The following CAP1 variants were observed in gnomAD, a reference collection of about 807,000 sequenced individuals.
The protein encoded by CAP1 is adenylyl cyclase-associated protein 1.
CAP1 carries 11 observed loss-of-function variants against 58.2 expected under a neutral mutation model. The ratio of observed to expected loss-of-function variants is 0.19; its 90% CI spans 0.12 to 0.31. The LOEUF is 0.31. Among genes scored for constraint, CAP1 ranks in the 10% least tolerant of loss-of-function variants. The pLI is 1.00. For missense variants in CAP1, 423 were observed against 587.5 expected, an observed-to-expected ratio of 0.72 and a Z score of 2.89; for synonymous variants, 183 against 213.8, an observed-to-expected ratio of 0.86 and a Z score of 1.26.
chr1:40,040,973 C>A (rs996413367), intron 1 of CAP1, 172 bp downstream of exon 1: 5 of 152,814 alleles, frequency 3.3e-5, no homozygotes, highest in African/African-American at 1.2e-4. Context: ...GAGGTGGGGC[C>A]GGGGTGAGCA....
At chr1:40,046,510 A>G (rs12072878) in intron 1 of CAP1, among the ~76,000 whole-genome samples, 2,235 of 152,252 alleles carry the variant, frequency 0.015, 56 homozygotes, top group African/African-American at 0.049. Context: ...CTAAAGTTGC[A>G]TATAGTTTAT....
Position 40,069,724 on chromosome 1 carries a change from C to T in CAP1, c.843C>T (p.His281=), listed in dbSNP as rs187715440. ...LKHVSDDMKT[H]KNPALKAQSG... is the part of the protein sequence containing the mutation. ...ATGTATCTGATGACATGAAGACTCA[C>T]AAGAACCCTGCCCTGAAGGCTCAGA... Residue 281 remains histidine, a synonymous_variant, in exon 9 of 13, where the codon CAC becomes CAT. Coordinates refer to ENST00000372805, the MANE Select transcript of CAP1 (RefSeq NM_006367.4). The T allele has an allele frequency of 1.4e-4, 220 of 1,613,810 alleles. 2 individuals carry two copies. In the African/African-American group the frequency reaches 2.6e-3, roughly 19 times the overall value.
intron 1 of CAP1, among the ~76,000 whole-genome samples, chr1:40,048,939 G>A (rs763889984): frequency 1.3e-5 from 2 of 152,264 alleles, no homozygotes; most frequent in South Asian, 2.1e-4. Flanking sequence ...TAAGGATGAT[G>A]ACTTAGAAAA....
chr1:40,059,303 T>G, intron 1 of CAP1, 34 bp from the exon 2 acceptor site: 2 of 1,275,944 alleles, frequency 1.6e-6, no homozygotes, highest in Non-Finnish European at 2.3e-6. Flanking sequence ...ATTTAATATT[T>G]AAATAACAAA....
At chr1:40,071,074 G>T in intron 12 of CAP1, 95 bp downstream of exon 12, 1 of 1,228,790 alleles carries the variant, frequency 8.1e-7, no homozygotes, top group South Asian at 1.5e-5. Flanking sequence ...ATTCTGCACT[G>T]AGCAGGTAAA....
At chr1:40,053,971 A>T (rs148757868) in intron 1 of CAP1, among the ~76,000 whole-genome samples, 1 of 152,202 alleles carries the variant, frequency 6.6e-6, no homozygotes, top group Non-Finnish European at 1.5e-5. Flanking sequence ...GAAGATCTCT[A>T]TATCAGTGTG....
At position 40,064,213 on chromosome 1, in the gene CAP1, G is replaced by T. The variant is rs761683753; in HGVS notation, c.295-14G>T. ...AAGATGTTAACCTGAATCTTTTCTT[G>T]TATCTTTTCCTAGAATAAGCTTTCC... On this transcript the variant is annotated splice_polypyrimidine_tract_variant and intron_variant, in intron 4 of 12. Coordinates refer to ENST00000372805, the MANE Select transcript of CAP1 (RefSeq NM_006367.4). The T allele has an allele frequency of 6.2e-7, 1 of 1,613,372 alleles. No individual in the cohort carries two copies. The highest frequency in any genetic ancestry group is 1.7e-5 in the Admixed American group (1 of 59,868).
intron 1 of CAP1, among the ~76,000 whole-genome samples, chr1:40,042,864 C>T (rs1416086383): frequency 6.6e-6 from 1 of 151,934 alleles, no homozygotes; most frequent in Non-Finnish European, 1.5e-5. Context: ...GAATTGGAGG[C>T]TGATTATGGG....
intron 4 of CAP1, among the ~76,000 whole-genome samples, chr1:40,062,200 C>G (rs1007642662): frequency 1.5e-5 from 2 of 130,276 alleles, no homozygotes; most frequent in African/African-American, 5.6e-5. Context: ...TGCTTCTCTC[C>G]TCATCCTTCA....
intron 8 of CAP1, among the ~76,000 whole-genome samples, chr1:40,068,836 ATTTTAT>A (rs1647267757): frequency 6.6e-6 from 1 of 151,462 alleles, no homozygotes; most frequent in Admixed American, 6.6e-5. Flanking sequence ...TTTTTATTTT[ATTTTAT>A]TTTTTTTGAG....
chr1:40,055,697 C>A (rs1323056884), intron 1 of CAP1, among the ~76,000 whole-genome samples: 1 of 152,116 alleles, frequency 6.6e-6, no homozygotes, highest in Non-Finnish European at 1.5e-5. Flanking sequence ...TTTGTAGAGA[C>A]AAGGTCTCCC....
chr1:40,050,052 G>C (rs1233235905), intron 1 of CAP1, among the ~76,000 whole-genome samples: 1 of 152,162 alleles, frequency 6.6e-6, no homozygotes, highest in Non-Finnish European at 1.5e-5. Context: ...GAATGGAATG[G>C]ACTGCCTCCA....
In CAP1 at chr1:40,057,258, T is replaced by G. The variant is rs115137917; in HGVS notation, c.-10-2079T>G. Among the ~76,000 whole-genome samples, 541 of 152,314 alleles carry G rather than the reference T, an allele frequency of 3.6e-3. 2 individuals are homozygous for G. Among genetic ancestry groups the G allele is most frequent in the Non-Finnish European group, 5.5e-3 (371 of 68,028 alleles). On this transcript the variant is annotated intron_variant, in intron 1 of 12. Transcript: ENST00000372805. ...GTGGTATCTGTTCATGGAAGGTAGC[T>G]TAGGAGTTTATTGCGTTCCTTGCCT...
At chr1:40,071,288 C>T (rs1206099331) in intron 12 of CAP1, among the ~76,000 whole-genome samples, 162 bp from the exon 13 acceptor site, 1 of 152,202 alleles carries the variant, frequency 6.6e-6, no homozygotes, top group Non-Finnish European at 1.5e-5. Flanking sequence ...TCCAAGATCG[C>T]TGAACACTAG....
chr1:40,065,712 T>C (rs1467216023), intron 6 of CAP1, among the ~76,000 whole-genome samples: 1 of 152,192 alleles, frequency 6.6e-6, no homozygotes. Flanking sequence ...AAGGGAAAGT[T>C]TTTAAGTTTG....
chr1:40,064,687 C>T (rs1385225214), intron 6 of CAP1, 128 bp downstream of exon 6: 3 of 713,650 alleles, frequency 4.2e-6, no homozygotes, highest in Non-Finnish European at 7.5e-6. Context: ...ACAATCCTCC[C>T]ACCTCAGTCC....
At chr1:40,048,113 G>A (rs1646189111) in intron 1 of CAP1, among the ~76,000 whole-genome samples, 1 of 151,988 alleles carries the variant, frequency 6.6e-6, no homozygotes, top group Non-Finnish European at 1.5e-5. Context: ...CCGCCTCCCG[G>A]GTTCAAGCAG....
At chr1:40,049,678 C>A (rs1323316619) in intron 1 of CAP1, among the ~76,000 whole-genome samples, 2 of 152,128 alleles carry the variant, frequency 1.3e-5, no homozygotes, top group African/African-American at 4.8e-5. Context: ...CTTTCCTAGG[C>A]TTTATTTCTA....
At position 40,069,726 on chromosome 1, in the gene CAP1, A is replaced by T; in HGVS notation, c.845A>T (p.Lys282Met). Residue 282 changes from lysine (K) to methionine (M), a missense_variant, in exon 9 of 13, where the codon AAG (lysine) becomes ATG (methionine). By Grantham distance (95) the Lys-to-Met change is moderately conservative (BLOSUM62 -1). Coordinates refer to ENST00000372805, the MANE Select transcript of CAP1 (RefSeq NM_006367.4). ...GTATCTGATGACATGAAGACTCACA[A>T]GAACCCTGCCCTGAAGGCTCAGAGT... The part of the protein sequence containing the change: ...KHVSDDMKTH[K>M]NPALKAQSGP... 1 of 1,613,860 alleles carries T rather than the reference A, an allele frequency of 6.2e-7. No homozygotes were observed.
Sources: gnomAD v4.1 joint callset for allele counts (sites outside exome capture counted in the v4.1 genomes callset) on GRCh38, gnomAD v4.1.1 for gene constraint, MANE v1.5 for transcripts, NCBI Gene and HGNC (gene_info 2026-07-23, HGNC 2026-07-21) for gene names.